ERC2: variants seen among roughly 807,000 people sequenced by gnomAD.
ERC2 encodes the protein ERC protein 2.
Under a neutral mutation model 114.8 loss-of-function variants are expected in ERC2, and 42 were observed. The observed-to-expected ratio is 0.37, with a 90% CI of 0.29 to 0.47. The LOEUF (loss-of-function observed/expected upper bound fraction) is 0.47. ERC2 is among the 20% of genes least tolerant of loss of function. ERC2 has a pLI of 0.99. For missense variants in ERC2, 939 were observed against 1,150.7 expected (o/e 0.82, Z 2.66); for synonymous variants, 454 against 425.5 (o/e 1.07, Z -0.82).
At chr3:56,100,237 T>C (rs1033872738) in intron 6 of ERC2, among the ~76,000 whole-genome samples, 5 of 152,226 alleles carry the variant, frequency 3.3e-5, no homozygotes, top group East Asian at 1.9e-4. Context: ...TAATAGATTA[T>C]ATTCTATATT....
At chr3:56,075,623 A>T (rs970472748) in intron 7 of ERC2, among the ~76,000 whole-genome samples, 4 of 152,172 alleles carry the variant, frequency 2.6e-5, no homozygotes, top group African/African-American at 9.7e-5. Flanking sequence ...GTCTGTCTCC[A>T]CAACTAGACT....
chr3:56,132,317 T>C (rs1341626627), intron 6 of ERC2, among the ~76,000 whole-genome samples: 1 of 152,158 alleles, frequency 6.6e-6, no homozygotes, highest in Non-Finnish European at 1.5e-5. Context: ...TAACAACATT[T>C]TCATTCTCAA....
At chr3:55,520,452 AT>A (rs1320857939) in intron 17 of ERC2, among the ~76,000 whole-genome samples, 116 of 151,136 alleles carry the variant, frequency 7.7e-4, no homozygotes, top group African/African-American at 2.6e-3. Flanking sequence ...AAAAAAAAAA[AT>A]CTAAGAAGAG....
At chr3:56,226,092 C>T (rs767107050) in intron 3 of ERC2, among the ~76,000 whole-genome samples, 15 of 152,142 alleles carry the variant, frequency 9.9e-5, no homozygotes, top group African/African-American at 1.9e-4. Flanking sequence ...GAAAAGAACT[C>T]GGATCCTAAG....
chr3:55,814,461 AT>A (rs999675107), intron 14 of ERC2, among the ~76,000 whole-genome samples: 7 of 152,194 alleles, frequency 4.6e-5, no homozygotes, highest in African/African-American at 1.7e-4. Context: ...GCTGTACTGC[AT>A]TTTAACTTTA....
intron 13 of ERC2, among the ~76,000 whole-genome samples, chr3:55,924,357 C>T (rs1297240569): frequency 6.6e-6 from 1 of 151,992 alleles, no homozygotes; most frequent in Non-Finnish European, 1.5e-5. Context: ...ATGGGCATGG[C>T]TGCATTCTAA....
chr3:55,619,797 C>T (rs1419875267), intron 17 of ERC2, among the ~76,000 whole-genome samples: 10 of 152,156 alleles, frequency 6.6e-5, no homozygotes, highest in Admixed American at 2.0e-4. Context: ...TTTGGATATG[C>T]CTGCCAAAGC....
chr3:55,728,306 A>T (rs2065043998), intron 15 of ERC2, among the ~76,000 whole-genome samples: 1 of 152,184 alleles, frequency 6.6e-6, no homozygotes, highest in South Asian at 2.1e-4. Flanking sequence ...ATCACAAAAC[A>T]AATGGAAAAT....
At chr3:55,840,355 C>T (rs1207001267) in intron 14 of ERC2, among the ~76,000 whole-genome samples, 1 of 151,784 alleles carries the variant, frequency 6.6e-6, no homozygotes, top group African/African-American at 2.4e-5. Flanking sequence ...ACACAGGTGA[C>T]AATTAGGCAC....
intron 15 of ERC2, among the ~76,000 whole-genome samples, chr3:55,715,596 T>C (rs552288252): frequency 2.0e-5 from 3 of 152,258 alleles, no homozygotes; most frequent in South Asian, 2.1e-4. Flanking sequence ...AGCCAAGTCC[T>C]ACCCTACAAA....
At chr3:56,200,174 A>G (rs1054548353) in intron 3 of ERC2, among the ~76,000 whole-genome samples, 5 of 152,020 alleles carry the variant, frequency 3.3e-5, no homozygotes, top group South Asian at 2.1e-4. Flanking sequence ...GTGAGTGGCT[A>G]TAAACAGGAG....
Position 55,683,815 on chromosome 3 carries a change from T to G in ERC2, c.*18A>C. 2 of 1,612,576 alleles carry G rather than the reference T, an allele frequency of 1.2e-6. No homozygotes were observed. The highest frequency in any genetic ancestry group is 8.5e-7 in the Non-Finnish European group (1 of 1,179,396). The stretch of plus-strand genomic sequence containing the variant: ...TCACCCCTCAAAACAAAACTGGAAC[T>G]TTGGTTTACAGGCCCGGCTATGCCC... On this transcript the variant is annotated 3_prime_UTR_variant, in exon 17 of 18. Coordinates refer to ENST00000288221, the MANE Select transcript of ERC2 (RefSeq NM_015576.3).
At chr3:55,764,048 T>C (rs1200795739) in intron 14 of ERC2, among the ~76,000 whole-genome samples, 2 of 152,186 alleles carry the variant, frequency 1.3e-5, no homozygotes, top group African/African-American at 4.8e-5. Context: ...AATATTAACA[T>C]TCTCAGAAAT....
At chr3:56,372,308 C>G (rs2059387597) in intron 2 of ERC2, among the ~76,000 whole-genome samples, 1 of 152,190 alleles carries the variant, frequency 6.6e-6, no homozygotes, top group Non-Finnish European at 1.5e-5. Flanking sequence ...TGAACTCTCA[C>G]TATATTCCAG....
intron 12 of ERC2, among the ~76,000 whole-genome samples, chr3:55,974,287 G>A (rs959264644): frequency 2.6e-5 from 4 of 152,124 alleles, no homozygotes; most frequent in African/African-American, 9.7e-5. Flanking sequence ...GCTAATACGT[G>A]GTTTGAGTTC....
At chr3:55,742,562 A>G (rs552227775) in intron 14 of ERC2, among the ~76,000 whole-genome samples, 4 of 152,374 alleles carry the variant, frequency 2.6e-5, no homozygotes, top group African/African-American at 7.2e-5. Flanking sequence ...GAAAGCCTAC[A>G]TTATGTATGG....
At chr3:56,333,034 G>C (rs1314964670) in intron 2 of ERC2, among the ~76,000 whole-genome samples, 1 of 152,238 alleles carries the variant, frequency 6.6e-6, no homozygotes, top group Non-Finnish European at 1.5e-5. Flanking sequence ...TTTAGTTCAT[G>C]CTGCCAGAGC....
At chr3:56,220,857 A>C (rs549011471) in intron 3 of ERC2, among the ~76,000 whole-genome samples, 1 of 152,332 alleles carries the variant, frequency 6.6e-6, no homozygotes, top group South Asian at 2.1e-4. Context: ...AAGACTCTTA[A>C]GGTCGAGAAT....
chr3:55,981,174 TAAATCAGGG>T (rs960978173), intron 12 of ERC2, among the ~76,000 whole-genome samples: 3 of 152,242 alleles, frequency 2.0e-5, no homozygotes, highest in Admixed American at 1.3e-4. Flanking sequence ...GCAGGAGTTA[TAAATCAGGG>T]AAAACAACTT....
Sources: gnomAD v4.1 joint callset for allele counts (sites outside exome capture counted in the v4.1 genomes callset) on GRCh38, gnomAD v4.1.1 for gene constraint, MANE v1.5 for transcripts, NCBI Gene and HGNC (gene_info 2026-07-23, HGNC 2026-07-21) for gene names.